Variants in RNF144B observed in about 807,000 individuals in gnomAD.
RNF144B encodes the protein E3 ubiquitin-protein ligase RNF144B.
In RNF144B, 25 loss-of-function variants were observed where a neutral mutation model predicts 40.2. The ratio of observed to expected loss-of-function variants is 0.62; its 90% confidence interval spans 0.45 to 0.87. The LOEUF (loss-of-function observed/expected upper bound fraction) is 0.87. Among genes scored for constraint, RNF144B ranks in the 40% least tolerant of loss-of-function variants. The probability of loss-of-function intolerance (pLI) is 0.00; values close to 1 mark genes in which losing one functional copy is unlikely to be tolerated. For missense variants in RNF144B, 365 were observed against 373.7 expected, an observed-to-expected ratio of 0.98 and a Z score of 0.19; for synonymous variants, 145 against 136.3, an observed-to-expected ratio of 1.06 and a Z score of -0.44.
intron 1 of RNF144B, chr6:18,396,414 TA>T (rs1562039055): frequency 3.1e-6 from 3 of 979,598 alleles, no homozygotes; most frequent in Non-Finnish European, 3.6e-6. Context: ...TATTTCCTTC[TA>T]AAAAAATAAT....
rs1455687604 is a variant in RNF144B, at chr6:18,444,219, C to G, written c.331+4475C>G. 6.6e-6 allele frequency among the ~76,000 whole-genome samples: 1 copy of G among 152,188 alleles called. No homozygotes were observed. The highest frequency in any genetic ancestry group is 1.5e-5 in the Non-Finnish European group (1 of 68,038). On this transcript the variant is annotated intron_variant, in intron 4 of 7. Coordinates refer to ENST00000259939, the MANE Select transcript of RNF144B (RefSeq NM_182757.4). This position sits in a 1 kb window ranked among gnomAD's most constrained non-coding sequence, Gnocchi z 4.3. ...CTTACACGAAGCAAAGAAATACTAT[C>G]TGATATTGGTTGGTTATTCTACCCG...
chr6:18,417,421 A>C (rs968939161), intron 2 of RNF144B, among the ~76,000 whole-genome samples: 6 of 152,162 alleles, frequency 3.9e-5, no homozygotes, highest in African/African-American at 1.4e-4. Flanking sequence ...ATAAATAAAT[A>C]AATCTTATTT....
chr6:18,396,610 C>T, intron 1 of RNF144B: 1 of 985,212 alleles, frequency 1.0e-6, no homozygotes, highest in Non-Finnish European at 1.2e-6. Context: ...GAAGCATTTA[C>T]TACCTACGTT....
intron 3 of RNF144B, among the ~76,000 whole-genome samples, chr6:18,429,605 G>GA (rs1758648120): frequency 6.6e-6 from 1 of 152,136 alleles, no homozygotes; most frequent in South Asian, 2.1e-4. Flanking sequence ...AAACCCTGTG[G>GA]AGAGATATAT....
At chr6:18,428,131 G>A (rs1758607123) in intron 3 of RNF144B, among the ~76,000 whole-genome samples, 1 of 152,080 alleles carries the variant, frequency 6.6e-6, no homozygotes, top group Non-Finnish European at 1.5e-5. Context: ...TTTTATAAGG[G>A]GCTTCCCTGC....
In RNF144B at chr6:18,456,968, A is replaced by C. The variant is rs749064206; in HGVS notation, c.332-187A>C. On this transcript the variant is annotated intron_variant, in intron 4 of 7. Coordinates refer to ENST00000259939, the MANE Select transcript of RNF144B (RefSeq NM_182757.4). This position sits in a 1 kb window ranked among gnomAD's most constrained non-coding sequence, Gnocchi z 4.7. ...TCCCAGCTACTCGGGAGGCTGAGGC[A>C]GAAGAATCGGTTGAACCCAGGAGGG... Among the ~76,000 whole-genome samples the C allele has an allele frequency of 1.3e-5, 2 of 152,228 alleles. No homozygotes were observed. Among genetic ancestry groups the C allele is most frequent in the Non-Finnish European group, 2.9e-5 (2 of 68,032 alleles).
chr6:18,443,623 T>C lies in RNF144B; in HGVS notation c.331+3879T>C, dbSNP rs765133048. Among the ~76,000 whole-genome samples the C allele has an allele frequency of 6.6e-5, 10 of 151,910 alleles. No homozygotes were observed. Among genetic ancestry groups the C allele is most frequent in the Admixed American group, 1.3e-4 (2 of 15,232 alleles). On this transcript the variant is annotated intron_variant, in intron 4 of 7. Transcript: ENST00000259939. The surrounding 1 kb of genome is among the most constrained non-coding windows in gnomAD (Gnocchi z 4.7). ...ATTCTTCATTACCATCCGTTATAAT[T>C]ATTATTGGAAAATGGACATTTCAAA...
chr6:18,398,544 T>A lies in RNF144B; in HGVS notation c.-36-955T>A, dbSNP rs1209665223. ...GCCACTGTGCCTGGCTAATTTTGTATTTTTGTATTTTTTGTAATTTTGTAT... is the reference window on the plus strand; with the variant it reads ...GCCACTGTGCCTGGCTAATTTTGTAATTTTGTATTTTTTGTAATTTTGTAT... On this transcript the variant is annotated intron_variant, in intron 1 of 7. Coordinates refer to ENST00000259939, the MANE Select transcript of RNF144B (RefSeq NM_182757.4). This position sits in a 1 kb window ranked among gnomAD's most constrained non-coding sequence, Gnocchi z 5.0. Among the ~76,000 whole-genome samples the A allele has an allele frequency of 6.6e-6, 1 of 152,022 alleles. No homozygotes were observed. The highest frequency in any genetic ancestry group is 6.5e-5 in the Admixed American group (1 of 15,274).
At chr6:18,435,070 A>T (rs1167600509) in intron 3 of RNF144B, among the ~76,000 whole-genome samples, 1 of 152,196 alleles carries the variant, frequency 6.6e-6, no homozygotes, top group African/African-American at 2.4e-5. Flanking sequence ...AATTTATTTT[A>T]TCTTTGAATT....
rs1582429611 is a variant in RNF144B at position 18,435,598 on chromosome 6, A to G, written c.271-4086A>G. On this transcript the variant is annotated intron_variant, in intron 3 of 7. Transcript: ENST00000259939. ...AAACAGGATTTTGCGTAGTTTCAGA[A>G]TATCTCCCTACAAGGTAATTGTTAA... Among the ~76,000 whole-genome samples, 2 of 152,326 alleles carry G rather than the reference A, an allele frequency of 1.3e-5. 1 individual carries two copies. The highest frequency in any genetic ancestry group is 3.9e-4 in the East Asian group (2 of 5,184).
chr6:18,428,872 G>C (rs1396065313), intron 3 of RNF144B, among the ~76,000 whole-genome samples: 1 of 152,132 alleles, frequency 6.6e-6, no homozygotes, highest in Non-Finnish European at 1.5e-5. Flanking sequence ...ATTGCTTTCT[G>C]ACTGCCATAA....
At chr6:18,428,957 C>A (rs1440650601) in intron 3 of RNF144B, among the ~76,000 whole-genome samples, 2 of 152,030 alleles carry the variant, frequency 1.3e-5, no homozygotes, top group African/African-American at 4.8e-5. Context: ...TTTGGGAGGC[C>A]AAGGCAGAAG....
chr6:18,461,295 G>A (rs1036311960), intron 6 of RNF144B, among the ~76,000 whole-genome samples: 2 of 152,128 alleles, frequency 1.3e-5, no homozygotes, highest in African/African-American at 2.4e-5. Context: ...ATAGGCCCTT[G>A]AGTTACAATT....
intron 1 of RNF144B, 49 bp downstream of exon 1, chr6:18,387,679 T>C: frequency 7.9e-7 from 1 of 1,271,424 alleles, no homozygotes; most frequent in Non-Finnish European, 1.0e-6. Flanking sequence ...AAGACCGGAA[T>C]GGTGTTGCTG....
At position 18,416,715 on chromosome 6, in the gene RNF144B, C is replaced by G. The variant is rs914428923; in HGVS notation, c.166-10866C>G. Among the ~76,000 whole-genome samples the G allele has an allele frequency of 2.0e-5, 3 of 152,118 alleles. No individual in the cohort carries two copies. The highest frequency in any genetic ancestry group is 7.2e-5 in the African/African-American group (3 of 41,420). On this transcript the variant is annotated intron_variant, in intron 2 of 7. Coordinates refer to ENST00000259939, the MANE Select transcript of RNF144B (RefSeq NM_182757.4). This position sits in a 1 kb window ranked among gnomAD's most constrained non-coding sequence, Gnocchi z 5.5. Reference sequence around the variant, plus strand: ...ATATATAATTTCCCCCTTAAGCTTCCTTTGCTGTTTCTTTTGGAACTAGCT... The same window carrying G: ...ATATATAATTTCCCCCTTAAGCTTCGTTTGCTGTTTCTTTTGGAACTAGCT...
intron 2 of RNF144B, among the ~76,000 whole-genome samples, chr6:18,399,925 T>C (rs1794766575): frequency 6.6e-6 from 1 of 152,256 alleles, no homozygotes; most frequent in South Asian, 2.1e-4. Context: ...TAATTATTGG[T>C]TGAATAAATA....
rs1242304278 is a variant in RNF144B at position 18,457,517 on chromosome 6, A to C, written c.536+158A>C. The stretch of plus-strand genomic sequence containing the variant: ...AGTGTCTCAGAATTGGTAAGTTGCC[A>C]ACAAAAAAGCATTTCTAGTTGTTTG... On this transcript the variant is annotated intron_variant, in intron 5 of 7. Transcript: ENST00000259939. The surrounding 1 kb of genome is among the most constrained non-coding windows in gnomAD (Gnocchi z 5.1). Among the ~76,000 whole-genome samples the C allele has an allele frequency of 6.6e-6, 1 of 152,186 alleles. No individual in the cohort carries two copies. Among genetic ancestry groups the C allele is most frequent in the East Asian group, 1.9e-4 (1 of 5,186 alleles).
rs1758530933 is a variant in RNF144B at position 18,425,495 on chromosome 6, C to T, written c.166-2086C>T. Among the ~76,000 whole-genome samples the T allele has an allele frequency of 6.6e-6, 1 of 152,138 alleles. No individual in the cohort carries two copies. The highest frequency in any genetic ancestry group is 2.4e-5 in the African/African-American group (1 of 41,424). On this transcript the variant is annotated intron_variant, in intron 2 of 7. Coordinates refer to ENST00000259939, the MANE Select transcript of RNF144B (RefSeq NM_182757.4). The surrounding 1 kb of genome is among the most constrained non-coding windows in gnomAD (Gnocchi z 4.2). The stretch of plus-strand genomic sequence containing the variant: ...CTGTTCCCCTGGGTGTTCGCCTGCC[C>T]ATTGACATTCTTCCCCATATTTCCT...
intron 1 of RNF144B, chr6:18,396,534 G>A (rs1794698002): frequency 1.3e-5 from 13 of 985,382 alleles, no homozygotes; most frequent in Non-Finnish European, 1.6e-5. Flanking sequence ...ACATGGCTAA[G>A]TGTATTTGAC....
Sources: allele counts gnomAD v4.1 joint callset (sites outside exome capture counted in the v4.1 genomes callset), GRCh38; gene constraint gnomAD v4.1.1; non-coding constraint Gnocchi (gnomAD v3.1); transcripts MANE v1.5; gene names NCBI Gene and HGNC (gene_info 2026-07-23, HGNC 2026-07-21).